CCDC171: variants seen among roughly 807,000 people sequenced by gnomAD.
The protein encoded by CCDC171 is coiled-coil domain containing 171.
CCDC171 carries 177 observed loss-of-function variants against 168.2 expected under a neutral mutation model. That is an observed-to-expected ratio of 1.05 (90% CI 0.93 to 1.19). The LOEUF is 1.19. Among genes scored for constraint, CCDC171 ranks in the 50% most tolerant of loss-of-function variants. CCDC171 has a pLI of 0.00. For missense variants in CCDC171, 1,991 were observed against 1,539.0 expected, an observed-to-expected ratio of 1.29 and a Z score of -4.91; for synonymous variants, 687 against 540.8, an observed-to-expected ratio of 1.27 and a Z score of -3.75.
At chr9:16,016,327 T>C (rs1394867444) in intron 3 of CCDC171, among the ~76,000 whole-genome samples, 1 of 152,180 alleles carries the variant, frequency 6.6e-6, no homozygotes, top group Non-Finnish European at 1.5e-5. Flanking sequence ...GTGATTTACT[T>C]GCAGATTGCC....
chr9:15,749,895 C>A (rs1462014200), intron 18 of CCDC171, among the ~76,000 whole-genome samples: 4 of 152,096 alleles, frequency 2.6e-5, no homozygotes, highest in African/African-American at 9.7e-5. Context: ...AACACCCTAA[C>A]ATCACAATTA....
chr9:15,729,658 G>A lies in CCDC171; in HGVS notation c.1909G>A (p.Glu637Lys), dbSNP rs773686827. The A allele has an allele frequency of 2.7e-5, 43 of 1,613,030 alleles. No individual in the cohort carries two copies. The highest frequency in any genetic ancestry group is 3.6e-5 in the Non-Finnish European group (42 of 1,179,404). The part of the protein sequence containing the change: ...ICKNKSDTMR[E>K]LQQTQEDTFT... ...TAAAAACAAGTCTGACACGATGAGA[G>A]AGCTTCAGCAGACTCAGGAAGACAC... The change falls in exon 16 of 26, where the codon GAG (glutamate) becomes AAG (lysine). Residue 637 changes from glutamate to lysine, a missense_variant. By Grantham distance (56) the Glu-to-Lys change is moderately conservative. Coordinates refer to ENST00000380701, the MANE Select transcript of CCDC171 (RefSeq NM_173550.4).
At chr9:15,824,879 A>G (rs1468094523) in intron 21 of CCDC171, among the ~76,000 whole-genome samples, 1 of 152,098 alleles carries the variant, frequency 6.6e-6, no homozygotes, top group East Asian at 1.9e-4. Context: ...AGGGGTCATT[A>G]TCTACATGGC....
rs978104649 is a variant in CCDC171 at position 15,777,503 on chromosome 9, T to C, written c.2672-97T>C. The stretch of plus-strand genomic sequence containing the variant: ...AATTACTACAGGTGAATGGGAATTA[T>C]ATAATTAAAAAATATTTTCATTATG... On this transcript the variant is annotated intron_variant, in intron 18 of 25. Transcript: ENST00000380701. 50 of 661,816 alleles carry C rather than the reference T, an allele frequency of 7.6e-5. 1 individual carries two copies. Among genetic ancestry groups the C allele is most frequent in the South Asian group, 7.4e-4 (33 of 44,534 alleles). 41.0% of individuals were successfully genotyped at this position (661,816 alleles called of 1,614,324 possible).
At chr9:16,084,497 A>G in the CCDC171 span, among the ~76,000 whole-genome samples, 2 of 152,264 alleles carry the variant, frequency 1.3e-5, no homozygotes, top group East Asian at 3.9e-4. Flanking sequence ...TTAAACCTCC[A>G]TGTAATTGAA....
chr9:15,713,377 G>T (rs185610154), intron 11 of CCDC171, among the ~76,000 whole-genome samples: 1 of 151,898 alleles, frequency 6.6e-6, no homozygotes, highest in African/African-American at 2.4e-5. Flanking sequence ...CAAGGTGTGG[G>T]TTAAGAGAGA....
intron 8 of CCDC171, among the ~76,000 whole-genome samples, chr9:15,659,048 C>T (rs1037571457): frequency 6.6e-6 from 1 of 152,164 alleles, no homozygotes; most frequent in Admixed American, 6.5e-5. Context: ...GACTGTCAAA[C>T]TCTGAAGTCT....
At chr9:15,631,759 C>T (rs1026848160) in intron 7 of CCDC171, among the ~76,000 whole-genome samples, 1 of 152,132 alleles carries the variant, frequency 6.6e-6, no homozygotes, top group African/African-American at 2.4e-5. Flanking sequence ...AAGATTGATG[C>T]AAAAATCCTC....
intron 25 of CCDC171, among the ~76,000 whole-genome samples, chr9:15,968,537 C>CTTTTTT (rs35265243): frequency 1.1e-5 from 1 of 88,830 alleles, no homozygotes; most frequent in Non-Finnish European, 2.2e-5. Flanking sequence ...TTGTTGCTGG[C>CTTTTTT]TTTTTTTTTT....
At chr9:15,850,360 G>A (rs544356694) in intron 23 of CCDC171, 7 of 151,858 alleles carry the variant, frequency 4.6e-5, no homozygotes, top group South Asian at 4.2e-4. Context: ...AAAATATATC[G>A]TTTAAATATA....
chr9:15,782,916 C>G (rs950783126), intron 20 of CCDC171, among the ~76,000 whole-genome samples: 1 of 152,192 alleles, frequency 6.6e-6, no homozygotes, highest in African/African-American at 2.4e-5. Context: ...AGGTGACTCT[C>G]TGAAAATGAG....
rs577732220 is a variant in CCDC171, at chr9:15,666,694, G to A, written c.1076+371G>A. ...AAAAAAATTAGCCAAGTATAGTGGT[G>A]TGCACCTGTAGTCCCAGCTACTCGA... On this transcript the variant is annotated intron_variant, in intron 9 of 25. Coordinates refer to ENST00000380701, the MANE Select transcript of CCDC171 (RefSeq NM_173550.4). Among the ~76,000 whole-genome samples, 5 of 152,254 alleles carry A rather than the reference G, an allele frequency of 3.3e-5. No homozygotes were observed. In the South Asian group the frequency reaches 1.0e-3, roughly 32 times the overall value.
chr9:15,597,272 G>A (rs572693291), intron 6 of CCDC171, among the ~76,000 whole-genome samples: 1 of 152,236 alleles, frequency 6.6e-6, no homozygotes, highest in African/African-American at 2.4e-5. Flanking sequence ...GTATGATATT[G>A]GCTGTGGGTT....
chr9:15,796,686 A>C (rs1294562919), intron 21 of CCDC171, among the ~76,000 whole-genome samples: 2 of 152,196 alleles, frequency 1.3e-5, no homozygotes, highest in African/African-American at 2.4e-5. Context: ...GGGCCAAGTC[A>C]GACCTGGCAA....
rs10962116 is a variant in CCDC171 at position 15,675,288 on chromosome 9, C to G, written c.1077-3470C>G. 5.0e-3 allele frequency among the ~76,000 whole-genome samples: 750 copies of G among 149,520 alleles called. 6 individuals are homozygous for G. The highest frequency in any genetic ancestry group is 8.4e-3 in the Non-Finnish European group (567 of 67,666). On this transcript the variant is annotated intron_variant, in intron 9 of 25. Transcript: ENST00000380701. The stretch of plus-strand genomic sequence containing the variant: ...TGTCTCTGCACGTGAGATGGGTCTC[C>G]TGTATACAGCACACTGATGGGTCTT...
chr9:15,984,363 A>AT (rs1288745380), intron 3 of CCDC171, among the ~76,000 whole-genome samples: 1 of 147,626 alleles, frequency 6.8e-6, no homozygotes, highest in South Asian at 2.2e-4. Flanking sequence ...TAGGTATGTA[A>AT]TTAAGCACAG....
In CCDC171 at chr9:15,777,698, C is replaced by T. The variant is rs770961160; in HGVS notation, c.2770C>T (p.Pro924Ser). 5.6e-6 allele frequency: 9 copies of T among 1,613,600 alleles called. No individual in the cohort carries two copies. The Admixed American group carries it at 1.0e-4, about 18-fold the overall frequency. ...DKISLVMECI[P>S]LHSSRSITYV... ...AATTAGTCTGGTAATGGAATGTATA[C>T]CTCTGCACAGTAGCAGGAGTATTAC... is the stretch of plus-strand genomic sequence containing the variant. Residue 924 changes from proline to serine, a missense_variant, in exon 19 of 26, where the codon CCT (proline) becomes TCT (serine). Physicochemically the swap from Pro to Ser is moderately conservative, Grantham distance 74. Transcript: ENST00000380701.
At position 15,765,998 on chromosome 9, in the gene CCDC171, G is replaced by A. The variant is rs374678238; in HGVS notation, c.2672-11602G>A. 3.3e-5 allele frequency among the ~76,000 whole-genome samples: 5 copies of A among 152,246 alleles called. No individual in the cohort carries two copies. The East Asian group carries it at 7.7e-4, about 23-fold the overall frequency. On this transcript the variant is annotated intron_variant, in intron 18 of 25. Coordinates refer to ENST00000380701, the MANE Select transcript of CCDC171 (RefSeq NM_173550.4). ...GACAGTACCTCCCTCCAGAGCGGAG[G>A]ACACGTTTGTTTACTTTCCAGTATA...
intron 3 of CCDC171, among the ~76,000 whole-genome samples, chr9:15,993,936 A>T (rs936377378): frequency 1.1e-4 from 17 of 152,312 alleles, no homozygotes; most frequent in African/African-American, 3.8e-4. Context: ...GTCAGGAAAT[A>T]ACAGGTGATG....
Sources: gnomAD v4.1 joint callset for allele counts (sites outside exome capture counted in the v4.1 genomes callset) on GRCh38, gnomAD v4.1.1 for gene constraint, MANE v1.5 for transcripts, NCBI Gene and HGNC (gene_info 2026-07-23, HGNC 2026-07-21) for gene names.